ARB2A: variants seen among roughly 807,000 people sequenced by gnomAD.
ARB2A encodes cotranscriptional regulator ARB2A.
chr5:94,090,360 C>G, the ARB2A span, among the ~76,000 whole-genome samples: 2 of 152,054 alleles, frequency 1.3e-5, no homozygotes, highest in African/African-American at 4.8e-5. Flanking sequence ...CTTGTGATTT[C>G]TGCACATTGA....
the ARB2A span, among the ~76,000 whole-genome samples, chr5:93,767,655 G>GGT: frequency 2.0e-5 from 3 of 151,794 alleles, no homozygotes; most frequent in South Asian, 4.1e-4. Context: ...AAGAAACTGT[G>GGT]GTGTGTATAT....
At chr5:93,629,947 T>C in the ARB2A span, among the ~76,000 whole-genome samples, 41 of 152,266 alleles carry the variant, frequency 2.7e-4, 1 homozygote, top group South Asian at 8.5e-3. Flanking sequence ...GAAAATCTAA[T>C]ATATAACAAT....
chr5:93,883,926 CACACA>C, the ARB2A span, among the ~76,000 whole-genome samples: 1 of 21,220 alleles, frequency 4.7e-5, no homozygotes, highest in African/African-American at 8.8e-5. Context: ...CATACACATA[CACACA>C]CACACACACA....
the ARB2A span, among the ~76,000 whole-genome samples, chr5:93,962,030 A>G: frequency 1.3e-5 from 2 of 152,200 alleles, no homozygotes; most frequent in African/African-American, 4.8e-5. Context: ...CTATATTAAT[A>G]AAATAATTTC....
At chr5:93,910,572 A>T in the ARB2A span, 103 of 151,552 alleles carry the variant, frequency 6.8e-4, no homozygotes, top group African/African-American at 2.3e-3. Context: ...AAAGATTTTA[A>T]CAATACATAC....
the ARB2A span, among the ~76,000 whole-genome samples, chr5:94,039,660 T>C: frequency 6.6e-6 from 1 of 152,194 alleles, no homozygotes; most frequent in South Asian, 2.1e-4. Flanking sequence ...CACTTTACTC[T>C]ATGGACTCGC....
chr5:93,841,528 A>G, the ARB2A span, among the ~76,000 whole-genome samples: 2 of 152,136 alleles, frequency 1.3e-5, no homozygotes, highest in Admixed American at 1.3e-4. Flanking sequence ...CTGTCCTGAA[A>G]CCAGTTCCCT....
At chr5:93,691,425 T>G in the ARB2A span, among the ~76,000 whole-genome samples, 1 of 151,538 alleles carries the variant, frequency 6.6e-6, no homozygotes, top group Admixed American at 6.6e-5. Flanking sequence ...AGGAAGGATA[T>G]CAGGGATTGA....
chr5:93,991,544 AG>A, the ARB2A span, among the ~76,000 whole-genome samples: 1 of 152,166 alleles, frequency 6.6e-6, no homozygotes, highest in African/African-American at 2.4e-5. Flanking sequence ...TCAATCACAT[AG>A]AGGAAAATAA....
At chr5:93,908,355 G>T in the ARB2A span, among the ~76,000 whole-genome samples, 1 of 150,692 alleles carries the variant, frequency 6.6e-6, no homozygotes, top group African/African-American at 2.4e-5. Context: ...TTTATTAAAA[G>T]TCTGAGATAT....
At chr5:93,863,814 C>T in the ARB2A span, 17 of 152,072 alleles carry the variant, frequency 1.1e-4, no homozygotes, top group Non-Finnish European at 2.4e-4. Flanking sequence ...AGAAATATGA[C>T]ACATATCTTC....
chr5:93,849,443 T>C, the ARB2A span, among the ~76,000 whole-genome samples: 717 of 152,192 alleles, frequency 4.7e-3, 24 homozygotes, highest in Non-Finnish European at 1.1e-3. Flanking sequence ...TAAATAATTT[T>C]AAAATGTGAA....
the ARB2A span, among the ~76,000 whole-genome samples, chr5:94,086,874 C>T: frequency 6.6e-6 from 1 of 152,102 alleles, no homozygotes; most frequent in Admixed American, 6.6e-5. Context: ...TTTTACTACA[C>T]AATACTTTTC....
chr5:93,650,049 C>T, the ARB2A span, among the ~76,000 whole-genome samples: 1 of 151,672 alleles, frequency 6.6e-6, no homozygotes, highest in East Asian at 1.9e-4. Flanking sequence ...AAAGAAAGGA[C>T]TTTACTGTTC....
At chr5:93,850,387 C>T in the ARB2A span, among the ~76,000 whole-genome samples, 1 of 152,064 alleles carries the variant, frequency 6.6e-6, no homozygotes, top group South Asian at 2.1e-4. Flanking sequence ...AAGTCATAAG[C>T]TTATTGAGAA....
the ARB2A span, among the ~76,000 whole-genome samples, chr5:93,893,502 G>C: frequency 2.0e-5 from 3 of 152,142 alleles, no homozygotes; most frequent in African/African-American, 7.2e-5. Context: ...TGAATGCCAT[G>C]TTATTATCTA....
At chr5:93,795,401 C>G in the ARB2A span, among the ~76,000 whole-genome samples, 1 of 152,154 alleles carries the variant, frequency 6.6e-6, no homozygotes, top group South Asian at 2.1e-4. Flanking sequence ...AGAAGGCACG[C>G]AGACTCACAG....
At chr5:94,053,211 T>C in the ARB2A span, 2 of 1,546,292 alleles carry the variant, frequency 1.3e-6, no homozygotes, top group South Asian at 1.2e-5. Context: ...CATCCAAATC[T>C]ATCCTAGATA....
chr5:94,048,051 C>CTTTT, the ARB2A span, among the ~76,000 whole-genome samples: 5,029 of 95,848 alleles, frequency 0.052, 222 homozygotes, highest in East Asian at 0.076. Context: ...AATCGGTAAG[C>CTTTT]TTTTTTTTTT....
Sources: allele counts gnomAD v4.1 joint callset (sites outside exome capture counted in the v4.1 genomes callset), GRCh38; gene constraint gnomAD v4.1.1; transcripts MANE v1.5; gene names NCBI Gene and HGNC (gene_info 2026-07-23, HGNC 2026-07-21).